Variants in PRKCE observed in about 807,000 individuals in gnomAD.
The protein encoded by PRKCE is protein kinase C epsilon, also known as protein kinase C epsilon type.
Under a neutral mutation model 85.4 loss-of-function variants are expected in PRKCE, and 16 were observed. That is an observed-to-expected ratio of 0.19 (90% CI 0.13 to 0.28). PRKCE has a LOEUF of 0.28. Among genes scored for constraint, PRKCE ranks in the 10% least tolerant of loss-of-function variants. The pLI is 1.00. For missense variants in PRKCE, 573 were observed against 975.2 expected (o/e 0.59, Z 5.49); for synonymous variants, 388 against 371.5 (o/e 1.04, Z -0.51).
At chr2:46,020,419 T>C (rs1238037408) in intron 10 of PRKCE, among the ~76,000 whole-genome samples, 1 of 152,204 alleles carries the variant, frequency 6.6e-6, no homozygotes, top group Non-Finnish European at 1.5e-5. Context: ...TTGATTTTTT[T>C]TTTTAACCTA....
At chr2:46,182,518 T>C (rs2104732769) in intron 14 of PRKCE, among the ~76,000 whole-genome samples, 1 of 152,244 alleles carries the variant, frequency 6.6e-6, no homozygotes, top group Admixed American at 6.5e-5. Context: ...ACCCCTCAGC[T>C]ATAGGTTCTG....
At chr2:45,897,047 C>T (rs998785201) in intron 2 of PRKCE, among the ~76,000 whole-genome samples, 17 of 151,928 alleles carry the variant, frequency 1.1e-4, no homozygotes, top group African/African-American at 3.6e-4. Flanking sequence ...CACCACACTC[C>T]AGCATGGGTG....
intron 1 of PRKCE, among the ~76,000 whole-genome samples, chr2:45,661,112 A>T (rs765424048): frequency 6.6e-6 from 1 of 152,238 alleles, no homozygotes; most frequent in Non-Finnish European, 1.5e-5. Flanking sequence ...TGTATTTGCC[A>T]GCAAGGAGTA....
intron 2 of PRKCE, among the ~76,000 whole-genome samples, chr2:45,857,176 TAGGCAGCTGGTTCCCTA>T (rs1235705680): frequency 1.6e-4 from 24 of 152,238 alleles, no homozygotes; most frequent in Admixed American, 1.6e-3. Flanking sequence ...GCTAGGTTTG[TAGGCAGCTGGTTCCCTA>T]AGTTGCACGT....
At chr2:45,790,021 C>A (rs1252440713) in intron 1 of PRKCE, among the ~76,000 whole-genome samples, 1 of 152,184 alleles carries the variant, frequency 6.6e-6, no homozygotes, top group African/African-American at 2.4e-5. Context: ...GAGTGGAAAT[C>A]TCGAGAGTGG....
intron 11 of PRKCE, among the ~76,000 whole-genome samples, chr2:46,123,725 ACCGACCTG>A (rs1673573064): frequency 6.6e-6 from 1 of 152,190 alleles, no homozygotes; most frequent in Non-Finnish European, 1.5e-5. Flanking sequence ...ACCTCCAGTG[ACCGACCTG>A]CCTCAGCCTC....
At chr2:45,979,523 AT>A (rs1702717062) in intron 4 of PRKCE, among the ~76,000 whole-genome samples, 1 of 152,214 alleles carries the variant, frequency 6.6e-6, no homozygotes, top group Non-Finnish European at 1.5e-5. Context: ...ATTGAAGATT[AT>A]TCCTTTCCAG....
chr2:46,163,101 C>T (rs553466728), intron 14 of PRKCE, among the ~76,000 whole-genome samples: 12 of 152,372 alleles, frequency 7.9e-5, no homozygotes, highest in Admixed American at 6.5e-4. Context: ...GGGTTGACCC[C>T]GGGGATGTGG....
intron 1 of PRKCE, among the ~76,000 whole-genome samples, chr2:45,804,754 C>T (rs557690609): frequency 2.3e-4 from 35 of 152,284 alleles, no homozygotes; most frequent in African/African-American, 7.9e-4. Flanking sequence ...GGCTGAGGGA[C>T]TTAACATTAC....
intron 1 of PRKCE, among the ~76,000 whole-genome samples, chr2:45,830,405 A>C (rs1690325163): frequency 6.6e-6 from 1 of 152,232 alleles, no homozygotes. Flanking sequence ...AGATATTGTC[A>C]GAAAATTTCA....
At chr2:45,838,909 A>G (rs1210645014) in intron 1 of PRKCE, among the ~76,000 whole-genome samples, 1 of 152,168 alleles carries the variant, frequency 6.6e-6, no homozygotes. Flanking sequence ...GAAGCAGAAG[A>G]CTTGCCTTTT....
intron 1 of PRKCE, among the ~76,000 whole-genome samples, chr2:45,719,523 G>A (rs954958242): frequency 4.6e-5 from 7 of 152,162 alleles, no homozygotes; most frequent in Admixed American, 4.6e-4. Flanking sequence ...CGGGCAGTTG[G>A]CACTTGGGAA....
At chr2:45,737,831 C>A (rs746343632) in intron 1 of PRKCE, among the ~76,000 whole-genome samples, 2 of 152,142 alleles carry the variant, frequency 1.3e-5, no homozygotes, top group Non-Finnish European at 2.9e-5. Context: ...TTGCCAAGTG[C>A]TTCTTGGACA....
At chr2:45,946,228 G>C (rs1034260516) in intron 2 of PRKCE, among the ~76,000 whole-genome samples, 2 of 152,280 alleles carry the variant, frequency 1.3e-5, no homozygotes, top group African/African-American at 2.4e-5. Context: ...CTCTTGATAA[G>C]ATTGTGGTGG....
At chr2:45,776,043 G>A (rs540903731) in intron 1 of PRKCE, among the ~76,000 whole-genome samples, 2 of 152,170 alleles carry the variant, frequency 1.3e-5, no homozygotes, top group Admixed American at 6.5e-5. Flanking sequence ...ACTTAAAACC[G>A]CAATGCCCTT....
intron 2 of PRKCE, among the ~76,000 whole-genome samples, chr2:45,966,696 G>T (rs1377859483): frequency 6.6e-6 from 1 of 152,116 alleles, no homozygotes; most frequent in Non-Finnish European, 1.5e-5. Context: ...AGTGTTCCTT[G>T]CCCAGCCCAG....
At chr2:46,109,563 A>T (rs1304838923) in intron 11 of PRKCE, among the ~76,000 whole-genome samples, 1 of 152,170 alleles carries the variant, frequency 6.6e-6, no homozygotes, top group East Asian at 1.9e-4. Context: ...TGTATTCTGC[A>T]ACCATTCTAT....
Position 45,996,397 on chromosome 2 carries a change from G to T in PRKCE, c.824-5007G>T, listed in dbSNP as rs377541970. On this transcript the variant is annotated intron_variant, in intron 6 of 14. Transcript: ENST00000306156. ...TGCATTAGTTAGAACTTCCAGTATAGTGTTGAAAAGGAGTGGTGAGAGGGA... is the reference window on the plus strand; with the variant it reads ...TGCATTAGTTAGAACTTCCAGTATATTGTTGAAAAGGAGTGGTGAGAGGGA... Among the ~76,000 whole-genome samples, 14 of 152,144 alleles carry T rather than the reference G, an allele frequency of 9.2e-5. No homozygotes were observed. The South Asian group carries it at 2.9e-3, about 32-fold the overall frequency.
At chr2:45,664,392 G>A (rs532167770) in intron 1 of PRKCE, among the ~76,000 whole-genome samples, 4 of 152,300 alleles carry the variant, frequency 2.6e-5, no homozygotes, top group East Asian at 1.9e-4. Context: ...GCAAGTTTGC[G>A]ATCAATGGTT....
Sources: gnomAD v4.1 joint callset for allele counts (sites outside exome capture counted in the v4.1 genomes callset) on GRCh38, gnomAD v4.1.1 for gene constraint, MANE v1.5 for transcripts, NCBI Gene and HGNC (gene_info 2026-07-23, HGNC 2026-07-21) for gene names.